The following SEC14L1 variants were observed in gnomAD, a reference collection of about 807,000 sequenced individuals.
SEC14L1 encodes SEC14-like protein 1.
In SEC14L1, 48 loss-of-function variants were observed where a neutral mutation model predicts 85.3. That is an observed-to-expected ratio of 0.56 (90% confidence interval 0.45 to 0.72). SEC14L1 has a LOEUF of 0.72. Ranked by LOEUF, SEC14L1 falls within the 30% of genes least tolerant of loss-of-function variation. The probability of loss-of-function intolerance (pLI) is 0.00; values close to 1 mark genes in which losing one functional copy is unlikely to be tolerated. For synonymous variants in SEC14L1, 391 were observed against 355.5 expected (o/e 1.10, Z -1.12); for missense variants, 682 against 921.4 (o/e 0.74, Z 3.36).
chr17:77,139,795 G>T (rs1315843620), upstream of SEC14L1, among the ~76,000 whole-genome samples: 1 of 152,162 alleles, frequency 6.6e-6, no homozygotes, highest in Non-Finnish European at 1.5e-5. Flanking sequence ...ACCGCGCCCG[G>T]CCGGTGGATG....
intron 3 of SEC14L1, among the ~76,000 whole-genome samples, chr17:77,153,153 C>T (rs568753058): frequency 6.6e-5 from 10 of 152,286 alleles, no homozygotes; most frequent in South Asian, 4.1e-4. Context: ...CTGCAACCTC[C>T]GCCTCCCGGG....
chr17:77,133,734 T>C (rs1474992454), intron 3 of SEC14L1, among the ~76,000 whole-genome samples: 1 of 151,328 alleles, frequency 6.6e-6, no homozygotes, highest in Non-Finnish European at 1.5e-5. Flanking sequence ...AGGTCAGGAG[T>C]TCGAGACCAG....
intron 3 of SEC14L1, among the ~76,000 whole-genome samples, chr17:77,121,394 TGTCA>T (rs893730142): frequency 2.6e-5 from 4 of 152,160 alleles, no homozygotes; most frequent in African/African-American, 4.8e-5. Context: ...AGTCTTCCTC[TGTCA>T]CCCAGGCTGG....
chr17:77,200,886 C>T (rs1976104468), intron 9 of SEC14L1, among the ~76,000 whole-genome samples: 1 of 152,222 alleles, frequency 6.6e-6, no homozygotes, highest in Non-Finnish European at 1.5e-5. Context: ...CAGGAAGGGC[C>T]TGGGACTGCT....
intron 3 of SEC14L1, among the ~76,000 whole-genome samples, chr17:77,113,841 C>T (rs1207203732): frequency 6.6e-6 from 1 of 152,202 alleles, no homozygotes; most frequent in Non-Finnish European, 1.5e-5. Context: ...GAAGAAGTCA[C>T]TGTCTGTGGC....
intron 3 of SEC14L1, among the ~76,000 whole-genome samples, chr17:77,187,264 G>A (rs980066141): frequency 6.6e-6 from 1 of 152,152 alleles, no homozygotes; most frequent in Non-Finnish European, 1.5e-5. Context: ...AGTCAAGCAA[G>A]AGTCATCCTG....
At chr17:77,208,310 C>T (rs1418911726) in intron 13 of SEC14L1, among the ~76,000 whole-genome samples, 1 of 152,156 alleles carries the variant, frequency 6.6e-6, no homozygotes, top group Non-Finnish European at 1.5e-5. Context: ...GAGGTTAAAC[C>T]GCAGGCTCAG....
At chr17:77,129,784 T>C (rs1312204773) in intron 3 of SEC14L1, among the ~76,000 whole-genome samples, 2 of 152,142 alleles carry the variant, frequency 1.3e-5, no homozygotes, top group African/African-American at 4.8e-5. Flanking sequence ...TCGCGCCTTG[T>C]GATGTGGCCT....
At chr17:77,111,108 G>T (rs1164751448) in intron 3 of SEC14L1, among the ~76,000 whole-genome samples, 1 of 151,134 alleles carries the variant, frequency 6.6e-6, no homozygotes, top group Non-Finnish European at 1.5e-5. Flanking sequence ...CAGAAGGATC[G>T]CTTGAACCCA....
At chr17:77,168,138 A>G (rs943645052) in intron 3 of SEC14L1, among the ~76,000 whole-genome samples, 1 of 152,200 alleles carries the variant, frequency 6.6e-6, no homozygotes, top group African/African-American at 2.4e-5. Context: ...GGTACGGGGC[A>G]TGTCGGGCCA....
At chr17:77,155,127 C>T (rs1973748711) in intron 3 of SEC14L1, among the ~76,000 whole-genome samples, 1 of 152,214 alleles carries the variant, frequency 6.6e-6, no homozygotes, top group African/African-American at 2.4e-5. Context: ...TGTGGCTTCA[C>T]CTGTCACTTT....
chr17:77,143,084 A>G (rs574344836), intron 2 of SEC14L1, among the ~76,000 whole-genome samples: 1 of 150,178 alleles, frequency 6.7e-6, no homozygotes, highest in African/African-American at 2.4e-5. Context: ...GGAGTATTCC[A>G]TAGTTTGAGA....
At position 77,212,031 on chromosome 17, in the gene SEC14L1, T is replaced by G. The variant is rs896534728; in HGVS notation, c.1693T>G (p.Tyr565Asp). The G allele has an allele frequency of 1.2e-6, 2 of 1,614,106 alleles. No individual in the cohort carries two copies. The highest frequency in any genetic ancestry group is 2.2e-5 in the South Asian group (2 of 91,080). The change falls in exon 15 of 17, where the codon TAT becomes GAT. Residue 565 changes from tyrosine to aspartate, a missense_variant. Physicochemically the swap from Tyr to Asp is radical, Grantham distance 160. This residue lies in a region of SEC14L1 where 420 missense variants were observed against 619.5 expected (regional missense o/e 0.68). Coordinates refer to ENST00000436233, the MANE Select transcript of SEC14L1 (RefSeq NM_001143998.2). ...CAAAGGGGACATTGTGTTTAACATC[T>G]ATCACTCCAAGAGGTCGCCACAACC... ...VCKGDIVFNI[Y>D]HSKRSPQPPK...
chr17:77,215,118 T>G lies in SEC14L1; in HGVS notation c.*1095T>G. On this transcript the variant is annotated 3_prime_UTR_variant, in exon 17 of 17. Transcript: ENST00000436233. ...CATGTGTGCATGACGGTGGGGGTGC[T>G]GGGGGGACGGGGTGAGTGGAAACTT... is the stretch of plus-strand genomic sequence containing the variant. 1 of 985,350 alleles carries G rather than the reference T, an allele frequency of 1.0e-6. No individual in the cohort carries two copies. Among genetic ancestry groups the G allele is most frequent in the Non-Finnish European group, 1.2e-6 (1 of 829,966 alleles). The allele number at this position is 985,350 out of a possible 1,614,324, so 61.0% of individuals were successfully genotyped here.
chr17:77,195,001 C>A (rs769417790), intron 7 of SEC14L1, 90 bp downstream of exon 7: 3 of 903,920 alleles, frequency 3.3e-6, no homozygotes, highest in South Asian at 3.0e-5. Context: ...GTTCCCGCTT[C>A]CTTGGAACAT....
intron 3 of SEC14L1, among the ~76,000 whole-genome samples, chr17:77,159,484 G>A (rs544172346): frequency 2.0e-5 from 3 of 150,304 alleles, no homozygotes; most frequent in East Asian, 3.9e-4. Context: ...AGGTTCAAGC[G>A]ATTCTTCTCT....
chr17:77,165,468 G>A (rs1974242322), intron 3 of SEC14L1, among the ~76,000 whole-genome samples: 2 of 152,162 alleles, frequency 1.3e-5, no homozygotes, highest in South Asian at 4.1e-4. Flanking sequence ...CCAGGTCGCA[G>A]GTGGGTGAGA....
At chr17:77,187,044 CTT>C (rs1975296316) in intron 3 of SEC14L1, among the ~76,000 whole-genome samples, 1 of 152,176 alleles carries the variant, frequency 6.6e-6, no homozygotes, top group African/African-American at 2.4e-5. Flanking sequence ...AGATCAAAAA[CTT>C]TTTGAGCACT....
At chr17:77,106,146 C>T (rs968058626) in intron 3 of SEC14L1, among the ~76,000 whole-genome samples, 3 of 152,170 alleles carry the variant, frequency 2.0e-5, no homozygotes, top group African/African-American at 7.2e-5. Context: ...GTAATCCCAG[C>T]ACTTGGGGAA....
Sources: allele counts gnomAD v4.1 joint callset (sites outside exome capture counted in the v4.1 genomes callset), GRCh38; gene constraint gnomAD v4.1.1; regional missense constraint gnomAD v4.1.1; transcripts MANE v1.5; gene names NCBI Gene and HGNC (gene_info 2026-07-23, HGNC 2026-07-21).